Variants in JMJD1C observed in about 807,000 individuals in gnomAD.
The protein encoded by JMJD1C is jumonji domain containing 1C.
JMJD1C carries 31 observed loss-of-function variants against 245.3 expected under a neutral mutation model. The ratio of observed to expected loss-of-function variants is 0.13; its 90% CI spans 0.09 to 0.17. The LOEUF is 0.17. JMJD1C is among the 10% of genes least tolerant of loss of function. JMJD1C has a pLI of 1.00. For synonymous variants in JMJD1C, 1,057 were observed against 1,017.4 expected, an observed-to-expected ratio of 1.04 and a Z score of -0.74; for missense variants, 2,691 against 3,000.2, an observed-to-expected ratio of 0.90 and a Z score of 2.41.
chr10:63,453,797 A>G (rs1401563688), intron 1 of JMJD1C, among the ~76,000 whole-genome samples: 2 of 152,250 alleles, frequency 1.3e-5, no homozygotes, highest in South Asian at 2.1e-4. Flanking sequence ...GAAGGACAGT[A>G]GCGCTACTTT....
At chr10:63,217,644 G>C in intron 4 of JMJD1C, 1 of 168,260 alleles carries the variant, frequency 5.9e-6, no homozygotes. Context: ...ATGCAGTAAG[G>C]TTATGAAGCT....
At chr10:63,400,617 C>T (rs1485780979) in intron 1 of JMJD1C, among the ~76,000 whole-genome samples, 2 of 152,066 alleles carry the variant, frequency 1.3e-5, no homozygotes, top group Non-Finnish European at 1.5e-5. Flanking sequence ...AACTGGAGTG[C>T]CATGGCACAA....
chr10:63,389,302 ACCCTGTCT>A (rs1485567225), intron 1 of JMJD1C, among the ~76,000 whole-genome samples: 3 of 126,466 alleles, frequency 2.4e-5, no homozygotes, highest in Non-Finnish European at 4.9e-5. Context: ...ACAAAGTGAG[ACCCTGTCT>A]CAAAAAAAAA....
intron 2 of JMJD1C, among the ~76,000 whole-genome samples, chr10:63,285,481 T>C (rs964822146): frequency 6.6e-6 from 1 of 152,190 alleles, no homozygotes; most frequent in African/African-American, 2.4e-5. Flanking sequence ...TCAGAAAGAT[T>C]TGAGTCTGAC....
chr10:63,234,493 TAAAAAAAAAA>T (rs71025129), intron 3 of JMJD1C, among the ~76,000 whole-genome samples: 267 of 37,038 alleles, frequency 7.2e-3, no homozygotes, highest in Middle Eastern at 0.045. Flanking sequence ...AACCTCCTCT[TAAAAAAAAAA>T]AAAAAAAAAA....
intron 1 of JMJD1C, among the ~76,000 whole-genome samples, chr10:63,401,055 C>T (rs1231766339): frequency 1.3e-5 from 2 of 152,126 alleles, no homozygotes; most frequent in South Asian, 2.1e-4. Context: ...GACGAAGTTT[C>T]GCCATGTTGG....
At chr10:63,306,078 G>A (rs1306984015) in intron 2 of JMJD1C, among the ~76,000 whole-genome samples, 2 of 151,616 alleles carry the variant, frequency 1.3e-5, no homozygotes, top group Non-Finnish European at 1.5e-5. Context: ...AGTTTATCAC[G>A]TTTTTTTAAT....
chr10:63,443,212 G>A (rs1030896031), intron 1 of JMJD1C, among the ~76,000 whole-genome samples: 2 of 152,210 alleles, frequency 1.3e-5, no homozygotes. Flanking sequence ...GGTGAGGTAG[G>A]AAGTAAGGGA....
chr10:63,298,574 A>G (rs536903234), intron 2 of JMJD1C, among the ~76,000 whole-genome samples: 3 of 152,186 alleles, frequency 2.0e-5, no homozygotes, highest in South Asian at 2.1e-4. Flanking sequence ...TAATTTGATT[A>G]TATCTTCAAA....
chr10:63,183,684 G>C, intron 21 of JMJD1C, 115 bp from the exon 22 acceptor site: 1 of 578,040 alleles, frequency 1.7e-6, no homozygotes, highest in Non-Finnish European at 2.7e-6. Flanking sequence ...TTGAGTTTTA[G>C]TTTCCTTATT....
At chr10:63,203,131 T>C (rs1352537132) in intron 10 of JMJD1C, 3 of 984,982 alleles carry the variant, frequency 3.0e-6, no homozygotes, top group Non-Finnish European at 3.6e-6. Context: ...GCCCAATTCA[T>C]ACGTAGAGCT....
intron 23 of JMJD1C, chr10:63,177,488 G>A: frequency 2.0e-6 from 1 of 508,054 alleles, no homozygotes. Context: ...GGGAATGGAG[G>A]CACACTACCA....
intron 3 of JMJD1C, among the ~76,000 whole-genome samples, chr10:63,259,269 A>G (rs577322283): frequency 6.6e-6 from 1 of 152,346 alleles, no homozygotes; most frequent in African/African-American, 2.4e-5. Context: ...AACAAATTAC[A>G]ACATTTGTCT....
At chr10:63,237,300 A>G (rs978975594) in intron 3 of JMJD1C, among the ~76,000 whole-genome samples, 11 of 152,190 alleles carry the variant, frequency 7.2e-5, no homozygotes, top group African/African-American at 2.7e-4. Flanking sequence ...GGCCTCCCAA[A>G]GAGCTGGGAT....
At chr10:63,442,928 T>C (rs1376518093) in intron 1 of JMJD1C, among the ~76,000 whole-genome samples, 2 of 152,196 alleles carry the variant, frequency 1.3e-5, no homozygotes, top group Non-Finnish European at 1.5e-5. Flanking sequence ...CTAGGTGCCC[T>C]ACAATTCAAT....
intron 1 of JMJD1C, among the ~76,000 whole-genome samples, chr10:63,461,190 C>T (rs149289008): frequency 3.9e-5 from 6 of 152,232 alleles, no homozygotes; most frequent in African/African-American, 1.2e-4. Context: ...ATAACAAATT[C>T]GAGTGTGAAA....
intron 1 of JMJD1C, among the ~76,000 whole-genome samples, chr10:63,464,607 C>T (rs559728820): frequency 3.9e-4 from 60 of 152,084 alleles, no homozygotes; most frequent in African/African-American, 1.4e-3. Flanking sequence ...TGAGAATGTA[C>T]TTGGAACACA....
At chr10:63,420,625 T>G (rs1263298286) in intron 1 of JMJD1C, among the ~76,000 whole-genome samples, 1 of 146,328 alleles carries the variant, frequency 6.8e-6, no homozygotes, top group Non-Finnish European at 1.5e-5. Context: ...GGGCAGGGTC[T>G]GAGGCAGGAG....
At chr10:63,323,021 A>G (rs1941091188) in intron 2 of JMJD1C, among the ~76,000 whole-genome samples, 1 of 152,162 alleles carries the variant, frequency 6.6e-6, no homozygotes, top group South Asian at 2.1e-4. Flanking sequence ...ATAGATCTAT[A>G]TATGAAAATT....
Sources: allele counts gnomAD v4.1 joint callset (sites outside exome capture counted in the v4.1 genomes callset), GRCh38; gene constraint gnomAD v4.1.1; transcripts MANE v1.5; gene names NCBI Gene and HGNC (gene_info 2026-07-23, HGNC 2026-07-21).